Variants in SLA2 observed in about 807,000 individuals in gnomAD.
The protein encoded by SLA2 is Src like adaptor 2, also known as src-like-adapter 2.
A neutral mutation model predicts 27.3 loss-of-function variants in SLA2; 22 were observed. The observed-to-expected ratio is 0.81, with a 90% CI of 0.58 to 1.15. SLA2 has a LOEUF of 1.15. Ranked by LOEUF, SLA2 falls within the 50% of genes most tolerant of loss-of-function variation. SLA2 has a pLI of 0.00. For missense variants in SLA2, 304 were observed against 322.2 expected (o/e 0.94, Z 0.43); for synonymous variants, 131 against 137.8 (o/e 0.95, Z 0.34).
chr20:36,615,133 C>A, intron 6 of SLA2, 92 bp downstream of exon 6: 2 of 1,582,390 alleles, frequency 1.3e-6, no homozygotes, highest in Non-Finnish European at 1.7e-6. Flanking sequence ...TGTCTGAATA[C>A]TCCACAGTAG....
At chr20:36,615,453 G>C in intron 5 of SLA2, 79 bp from the exon 6 acceptor site, 1 of 1,583,344 alleles carries the variant, frequency 6.3e-7, no homozygotes, top group Non-Finnish European at 8.6e-7. Context: ...ACGAAGATAG[G>C]CAACGTGACC....
At chr20:36,634,049 G>A (rs1286964145) in intron 3 of SLA2, among the ~76,000 whole-genome samples, 2 of 149,394 alleles carry the variant, frequency 1.3e-5, no homozygotes, top group African/African-American at 2.5e-5. Context: ...GTGCAATGGC[G>A]TGATCTCAGC....
At chr20:36,614,120 G>T in intron 7 of SLA2, 134 bp from the exon 8 acceptor site, 1 of 1,475,206 alleles carries the variant, frequency 6.8e-7, no homozygotes, top group Non-Finnish European at 9.2e-7. Flanking sequence ...TTCCCTATCA[G>T]ATCAGCTTCC....
chr20:36,615,389 G>A lies in SLA2; in HGVS notation c.383-15C>T. On this transcript the variant is annotated splice_polypyrimidine_tract_variant and intron_variant, in intron 5 of 7. Coordinates refer to ENST00000262866, the MANE Select transcript of SLA2 (RefSeq NM_032214.4). ...AGAGTAAGAGCCTGAGGAGAAAGGG[G>A]TCCAGGGGTGGCACTGAGGCCCTGC... 2 of 1,612,880 alleles carry A rather than the reference G, an allele frequency of 1.2e-6. No homozygotes were observed. The highest frequency in any genetic ancestry group is 1.1e-5 in the South Asian group (1 of 91,014).
chr20:36,622,247 T>C (rs1041983082), intron 5 of SLA2, among the ~76,000 whole-genome samples: 1 of 147,312 alleles, frequency 6.8e-6, no homozygotes, highest in Non-Finnish European at 1.5e-5. Context: ...CATGGTGGCA[T>C]GCGCCTGTTG....
intron 6 of SLA2, 130 bp from the exon 7 acceptor site, chr20:36,614,567 C>T: frequency 1.4e-6 from 2 of 1,456,024 alleles, no homozygotes; most frequent in East Asian, 2.4e-5. Context: ...GACATGAGCC[C>T]CAAGCTATTG....
intron 5 of SLA2, among the ~76,000 whole-genome samples, chr20:36,628,510 C>G (rs1389724411): frequency 6.6e-6 from 1 of 152,036 alleles, no homozygotes; most frequent in Non-Finnish European, 1.5e-5. Context: ...ATCAGAAACC[C>G]TGGAGGTGGG....
chr20:36,629,930 C>T (rs1956871352), intron 5 of SLA2, among the ~76,000 whole-genome samples: 1 of 150,292 alleles, frequency 6.7e-6, no homozygotes, highest in Non-Finnish European at 1.5e-5. Flanking sequence ...CAGTGAGACT[C>T]TGTCTCAAAA....
intron 6 of SLA2, 168 bp downstream of exon 6, chr20:36,615,055 CAG>C (rs2039192320): frequency 2.0e-6 from 2 of 985,264 alleles, no homozygotes; most frequent in Non-Finnish European, 1.2e-6. Flanking sequence ...GAGGTGAAGA[CAG>C]GGCTCCCAGC....
At chr20:36,642,446 C>T (rs1019248089) in intron 1 of SLA2, among the ~76,000 whole-genome samples, 11 of 151,774 alleles carry the variant, frequency 7.2e-5, no homozygotes, top group African/African-American at 2.4e-4. Flanking sequence ...CTCCGTCACC[C>T]AGGCTAGAGT....
At chr20:36,614,215 G>A in intron 7 of SLA2, 90 bp downstream of exon 7, 2 of 1,594,232 alleles carry the variant, frequency 1.3e-6, no homozygotes, top group Non-Finnish European at 1.7e-6. Context: ...CCCTGAGTGT[G>A]ACAGGTACAT....
At chr20:36,621,248 G>T (rs1256587699) in intron 5 of SLA2, 15 of 559,486 alleles carry the variant, frequency 2.7e-5, no homozygotes, top group Non-Finnish European at 3.1e-5. Flanking sequence ...TTTGGCGCTG[G>T]TAACTATGCT....
intron 5 of SLA2, among the ~76,000 whole-genome samples, chr20:36,626,962 G>T (rs1364460340): frequency 6.6e-6 from 1 of 152,188 alleles, no homozygotes; most frequent in Non-Finnish European, 1.5e-5. Context: ...GAAGGCGATA[G>T]CCTGGGTAGG....
intron 6 of SLA2, chr20:36,614,824 C>T (rs903525241): frequency 1.6e-5 from 16 of 985,312 alleles, no homozygotes; most frequent in African/African-American, 1.4e-4. Context: ...TGCCCCCTGA[C>T]GCTGTGCCCA....
At position 36,613,928 on chromosome 20, in the gene SLA2, G is replaced by A. The variant is rs201940579; in HGVS notation, c.724C>T (p.Arg242Trp). The change falls in exon 8 of 8, where the codon CGG (arginine) becomes TGG (tryptophan). Residue 242 changes from arginine (R) to tryptophan (W), a missense_variant. Physicochemically the swap from Arg to Trp is moderately radical, Grantham distance 101. Transcript: ENST00000262866. ...GEESLLSEGLRESLSFYISLN... is the reference protein window; with the variant it reads ...GEESLLSEGLWESLSFYISLN... ...CTGATGTAGAAGCTGAGGGACTCCC[G>A]GAGACCCTCACTGAGAAGAGACTCC... 1.5e-4 allele frequency: 245 copies of A among 1,614,018 alleles called. 1 individual carries two copies. In the East Asian group the frequency reaches 2.5e-3, roughly 17 times the overall value.
At chr20:36,617,726 G>A (rs532898444) in intron 5 of SLA2, among the ~76,000 whole-genome samples, 111 of 150,826 alleles carry the variant, frequency 7.4e-4, no homozygotes, top group African/African-American at 2.5e-3. Context: ...GCGTGGTGGC[G>A]TGCGCCTGTA....
chr20:36,614,876 G>T, intron 6 of SLA2: 1 of 985,406 alleles, frequency 1.0e-6, no homozygotes, highest in Non-Finnish European at 1.2e-6. Flanking sequence ...CAGGCACCAG[G>T]AAGTACTAAG....
chr20:36,631,882 G>T (rs753787305), intron 5 of SLA2, among the ~76,000 whole-genome samples: 6 of 152,206 alleles, frequency 3.9e-5, no homozygotes, highest in African/African-American at 7.2e-5. Flanking sequence ...GCTGCATGAT[G>T]AAACACTCCT....
At chr20:36,615,578 TCACA>T (rs1220639202) in intron 5 of SLA2, among the ~76,000 whole-genome samples, 2 of 152,136 alleles carry the variant, frequency 1.3e-5, no homozygotes, top group Non-Finnish European at 2.9e-5. Context: ...TGAAATCAAA[TCACA>T]CACAGAGCCC....
Sources: gnomAD v4.1 joint callset for allele counts (sites outside exome capture counted in the v4.1 genomes callset) on GRCh38, gnomAD v4.1.1 for gene constraint, MANE v1.5 for transcripts, NCBI Gene and HGNC (gene_info 2026-07-23, HGNC 2026-07-21) for gene names.